CCT6B: variants seen among roughly 807,000 people sequenced by gnomAD.
CCT6B encodes the protein chaperonin containing TCP1 subunit 6B.
Under a neutral mutation model 61.5 loss-of-function variants are expected in CCT6B, and 49 were observed. The ratio of observed to expected loss-of-function variants is 0.80; its 90% CI spans 0.63 to 1.01. The LOEUF is 1.01. Ranked by LOEUF, CCT6B falls within the 50% of genes least tolerant of loss-of-function variation. CCT6B has a pLI of 0.00. For synonymous variants in CCT6B, 228 were observed against 214.5 expected, an observed-to-expected ratio of 1.06 and a Z score of -0.55; for missense variants, 666 against 634.7, an observed-to-expected ratio of 1.05 and a Z score of -0.53.
intron 10 of CCT6B, among the ~76,000 whole-genome samples, chr17:34,938,234 T>A (rs1341248262): frequency 6.6e-6 from 1 of 152,066 alleles, no homozygotes; most frequent in Non-Finnish European, 1.5e-5. Context: ...AACAGAAAAT[T>A]CACCAGATAT....
chr17:34,943,794 A>AC (rs1159030714), intron 5 of CCT6B: 2 of 150,858 alleles, frequency 1.3e-5, no homozygotes, highest in Non-Finnish European at 3.0e-5. Flanking sequence ...ATAAATTTAA[A>AC]AAAAAAAACA....
rs187756121 is a variant in CCT6B at position 34,957,883 on chromosome 17, T to C, written c.336+677A>G. 3.9e-3 allele frequency among the ~76,000 whole-genome samples: 593 copies of C among 152,274 alleles called. 8 individuals carry two copies. Among genetic ancestry groups the C allele is most frequent in the African/African-American group, 0.014 (563 of 41,566 alleles). On this transcript the variant is annotated intron_variant, in intron 3 of 13. Coordinates refer to ENST00000314144, the MANE Select transcript of CCT6B (RefSeq NM_006584.4). ...AGATGATTTATAAAGAAAATGAAAC[T>C]AGAAAGGAAGGTAAATTCACAATAA...
chr17:34,941,350 ATGT>A (rs1384138384), intron 7 of CCT6B, among the ~76,000 whole-genome samples: 2 of 152,178 alleles, frequency 1.3e-5, no homozygotes, highest in African/African-American at 2.4e-5. Context: ...CATATATAAA[ATGT>A]TGTGTTATAC....
At chr17:34,939,061 G>T in intron 10 of CCT6B, 122 bp downstream of exon 10, 1 of 784,598 alleles carries the variant, frequency 1.3e-6, no homozygotes, top group Non-Finnish European at 1.9e-6. Flanking sequence ...TAAAGCCTGG[G>T]CAACAGAGGA....
intron 8 of CCT6B, 98 bp from the exon 9 acceptor site, chr17:34,939,811 T>C (rs2090140051): frequency 1.3e-6 from 1 of 759,880 alleles, no homozygotes; most frequent in East Asian, 2.7e-5. Flanking sequence ...GTATTGTTAC[T>C]GTATTGTATT....
Position 34,942,862 on chromosome 17 carries a change from T to A in CCT6B, c.659A>T (p.Asp220Val). ...LVLDHGARHP[D>V]MKKRVEDAFI... Reference sequence around the variant, plus strand: ...TGCATCTTCTACTCGCTTCTTCATATCTGGATGACGGGCACCATGATCCAA... The same window carrying A: ...TGCATCTTCTACTCGCTTCTTCATAACTGGATGACGGGCACCATGATCCAA... Residue 220 changes from aspartate (D) to valine (V), a missense_variant, in exon 6 of 14, where the codon GAT becomes GTT. Transcript: ENST00000314144. 6.2e-7 allele frequency: 1 copy of A among 1,611,372 alleles called. No individual in the cohort carries two copies. Among genetic ancestry groups the A allele is most frequent in the Non-Finnish European group, 8.5e-7 (1 of 1,178,510 alleles).
chr17:34,951,920 C>G lies in CCT6B; in HGVS notation c.614+30G>C, dbSNP rs544680905. 2.8e-5 allele frequency: 30 copies of G among 1,064,326 alleles called. No individual in the cohort carries two copies. In the South Asian group the frequency reaches 4.0e-4, roughly 14 times the overall value. 65.9% of individuals were successfully genotyped at this position (1,064,326 alleles called of 1,614,324 possible). A position where few individuals can be genotyped will look rare whatever the true frequency, so the allele number is the denominator to read the frequency against. ...GAATATCTTTAAAAAATTCTAGAAC[C>G]CATATGTTGTCAAAGCTTATGTAAT... is the stretch of plus-strand genomic sequence containing the variant. On this transcript the variant is annotated intron_variant, in intron 5 of 13. Coordinates refer to ENST00000314144, the MANE Select transcript of CCT6B (RefSeq NM_006584.4).
At chr17:34,949,087 G>GAGGGT (rs2090259788) in intron 5 of CCT6B, among the ~76,000 whole-genome samples, 2 of 848 alleles carry the variant, frequency 2.4e-3, no homozygotes, top group Non-Finnish European at 4.0e-3. Context: ...GAGGGGAGGG[G>GAGGGT]AGGGGAGGGA....
intron 7 of CCT6B, 74 bp downstream of exon 7, chr17:34,942,410 G>T: frequency 8.6e-7 from 1 of 1,156,100 alleles, no homozygotes; most frequent in Non-Finnish European, 1.2e-6. Context: ...GGATTCTTAG[G>T]GGTCCACAGA....
rs779328984 is a variant in CCT6B at position 34,939,341 on chromosome 17, G to A, written c.1066-11C>T. The A allele has an allele frequency of 6.3e-7, 1 of 1,595,074 alleles. No homozygotes were observed. The highest frequency in any genetic ancestry group is 8.6e-7 in the Non-Finnish European group (1 of 1,168,300). ...GAACTTTTCTTCACCCTAAAGGGTGGCACAAAAATATATAACTTTAATATT... is the reference window on the plus strand; with the variant it reads ...GAACTTTTCTTCACCCTAAAGGGTGACACAAAAATATATAACTTTAATATT... On this transcript the variant is annotated splice_polypyrimidine_tract_variant and intron_variant, in intron 9 of 13. Coordinates refer to ENST00000314144, the MANE Select transcript of CCT6B (RefSeq NM_006584.4).
At chr17:34,960,263 C>G (rs1046468469) in intron 1 of CCT6B, among the ~76,000 whole-genome samples, 3 of 152,228 alleles carry the variant, frequency 2.0e-5, no homozygotes, top group African/African-American at 7.2e-5. Flanking sequence ...AATCCAAACA[C>G]AGCAATGACA....
At chr17:34,960,250 T>C (rs2090397042) in intron 1 of CCT6B, among the ~76,000 whole-genome samples, 1 of 152,212 alleles carries the variant, frequency 6.6e-6, no homozygotes, top group African/African-American at 2.4e-5. Flanking sequence ...ATTTTCAAGT[T>C]AAAATCCAAA....
At chr17:34,934,595 AC>A (rs1245859183) in intron 10 of CCT6B, among the ~76,000 whole-genome samples, 1 of 152,184 alleles carries the variant, frequency 6.6e-6, no homozygotes, top group African/African-American at 2.4e-5. Flanking sequence ...ACTACAAACC[AC>A]TAAAGCTCAC....
At chr17:34,951,798 C>T in intron 5 of CCT6B, 152 bp downstream of exon 5, 1 of 405,016 alleles carries the variant, frequency 2.5e-6, no homozygotes, top group Non-Finnish European at 4.4e-6. Flanking sequence ...AAATTCTGTT[C>T]TGTTTACTCT....
intron 3 of CCT6B, among the ~76,000 whole-genome samples, chr17:34,958,336 C>T (rs748964682): frequency 3.3e-5 from 5 of 152,156 alleles, no homozygotes; most frequent in South Asian, 2.1e-4. Context: ...CCCAGCTACT[C>T]GGGAAGCTGA....
chr17:34,939,837 T>C lies in CCT6B; in HGVS notation c.969-124A>G, dbSNP rs2090140296. ...GTATTGTATTGTTTTGGGTTTTTAA[T>C]TGTCTAATAAAATTGTCTATATTTA... On this transcript the variant is annotated intron_variant, in intron 8 of 13. Transcript: ENST00000314144. The C allele has an allele frequency of 4.6e-6, 3 of 657,248 alleles. No individual in the cohort carries two copies. The South Asian group carries it at 5.8e-5, about 13-fold the overall frequency. 40.7% of individuals were successfully genotyped at this position (657,248 alleles called of 1,614,324 possible).
At chr17:34,929,942 TCTCA>T (rs1234949080) in intron 12 of CCT6B, among the ~76,000 whole-genome samples, 2 of 152,224 alleles carry the variant, frequency 1.3e-5, no homozygotes, top group Non-Finnish European at 2.9e-5. Context: ...GCTGATGTCC[TCTCA>T]CCCACAACCT....
chr17:34,935,788 C>T (rs1288374096), intron 10 of CCT6B, among the ~76,000 whole-genome samples: 1 of 151,446 alleles, frequency 6.6e-6, no homozygotes, highest in Admixed American at 6.6e-5. Flanking sequence ...ACCTGGGAAG[C>T]AGAGGTTGCA....
intron 5 of CCT6B, among the ~76,000 whole-genome samples, chr17:34,950,517 A>G (rs2090278511): frequency 6.6e-6 from 1 of 152,242 alleles, no homozygotes; most frequent in South Asian, 2.1e-4. Flanking sequence ...ATTTATGAAC[A>G]CTTTATACCA....
Sources: allele counts gnomAD v4.1 joint callset (sites outside exome capture counted in the v4.1 genomes callset), GRCh38; gene constraint gnomAD v4.1.1; transcripts MANE v1.5; gene names NCBI Gene and HGNC (gene_info 2026-07-23, HGNC 2026-07-21).